NXN: variants seen among roughly 807,000 people sequenced by gnomAD.
NXN encodes the protein nucleoredoxin, also known as nucleoredoxin 1.
In NXN, 16 loss-of-function variants were observed where a neutral mutation model predicts 48.6. That is an observed-to-expected ratio of 0.33 (90% CI 0.22 to 0.50). NXN has a LOEUF of 0.50. NXN is among the 20% of genes least tolerant of loss of function. The probability of loss-of-function intolerance (pLI) is 0.98; values close to 1 mark genes in which losing one functional copy is unlikely to be tolerated. For missense variants in NXN, 492 were observed against 605.5 expected, an observed-to-expected ratio of 0.81 and a Z score of 1.97; for synonymous variants, 281 against 269.6, an observed-to-expected ratio of 1.04 and a Z score of -0.41.
In NXN at chr17:979,753, T is replaced by A; in HGVS notation, c.-75A>T. The A allele has an allele frequency of 1.7e-6, 2 of 1,205,312 alleles. No homozygotes were observed. The highest frequency in any genetic ancestry group is 2.1e-6 in the Non-Finnish European group (2 of 955,296). The allele number at this position is 1,205,312 out of a possible 1,614,324, so 74.7% of individuals were successfully genotyped here. On this transcript the variant is annotated 5_prime_UTR_variant, in exon 1 of 8. Transcript: ENST00000336868. ...CGCGCGGCGGGAGGAGGCGGCGGCG[T>A]CGGCGGCAGGCGCTGGGGAGAGCAG...
At chr17:870,015 C>A (rs2144803800) in intron 1 of NXN, among the ~76,000 whole-genome samples, 1 of 152,298 alleles carries the variant, frequency 6.6e-6, no homozygotes, top group South Asian at 2.1e-4. Flanking sequence ...TTTAGCAATG[C>A]CTGGGAACGT....
chr17:909,822 G>A (rs2068618315), intron 1 of NXN: 1 of 152,168 alleles, frequency 6.6e-6, no homozygotes, highest in African/African-American at 2.4e-5. Flanking sequence ...ATGGGCCTGA[G>A]CCACCGCGCC....
In NXN at chr17:823,732, C is replaced by T. The variant is rs765881882; in HGVS notation, c.512G>A (p.Arg171Lys). The change falls in exon 3 of 8, where the codon AGG becomes AAG. Residue 171 changes from arginine to lysine, a missense_variant. Arg to Lys is a conservative substitution (Grantham distance 26, BLOSUM62 2). Coordinates refer to ENST00000336868, the MANE Select transcript of NXN (RefSeq NM_022463.5). ...LEFPWGPKPF[R>K]EVIAGPLLRN... ...AAGCAAGGGCCCTGCAATGACTTCC[C>T]TGAAGGGTTTCGGTCCCCAGGGGAA... 21 of 1,614,168 alleles carry T rather than the reference C, an allele frequency of 1.3e-5. No individual in the cohort carries two copies. The South Asian group carries it at 2.3e-4, about 18-fold the overall frequency.
chr17:817,881 T>C (rs2144627662), intron 5 of NXN, among the ~76,000 whole-genome samples: 1 of 152,162 alleles, frequency 6.6e-6, no homozygotes, highest in South Asian at 2.1e-4. Flanking sequence ...ACCTGCTTTG[T>C]GAAGAGAAAA....
At chr17:914,218 A>G (rs1281906551) in intron 1 of NXN, among the ~76,000 whole-genome samples, 1 of 49,006 alleles carries the variant, frequency 2.0e-5, no homozygotes, top group African/African-American at 4.6e-5. Context: ...TATTTTTAAT[A>G]GAGATGGGGT....
chr17:922,805 C>G (rs1327788451), intron 1 of NXN, among the ~76,000 whole-genome samples: 1 of 148,348 alleles, frequency 6.7e-6, no homozygotes, highest in Non-Finnish European at 1.5e-5. Context: ...GTGCCCGCCA[C>G]CACACCCGGC....
chr17:919,469 G>A lies in NXN; in HGVS notation c.360+59850C>T, dbSNP rs924831487. 2.6e-5 allele frequency among the ~76,000 whole-genome samples: 4 copies of A among 152,166 alleles called. No individual in the cohort carries two copies. Among genetic ancestry groups the A allele is most frequent in the African/African-American group, 9.7e-5 (4 of 41,438 alleles). The stretch of plus-strand genomic sequence containing the variant: ...CATTCCTTAAGATGCTAGAAAACGT[G>A]TTATTGTAACACGAGGAAAAAGCCC... On this transcript the variant is annotated intron_variant, in intron 1 of 7. Transcript: ENST00000336868. This position sits in a 1 kb window ranked among gnomAD's most constrained non-coding sequence, Gnocchi z 5.1.
At chr17:843,072 C>T (rs142280539) in intron 1 of NXN, among the ~76,000 whole-genome samples, 1 of 147,814 alleles carries the variant, frequency 6.8e-6, no homozygotes, top group African/African-American at 2.6e-5. Context: ...AGAAAGCAAG[C>T]AAGCAAGCTG....
intron 1 of NXN, among the ~76,000 whole-genome samples, chr17:931,527 AC>A (rs2068853046): frequency 1.3e-5 from 2 of 151,984 alleles, no homozygotes; most frequent in African/African-American, 4.8e-5. Context: ...CGCCATAAGC[AC>A]ATGTTATTTA....
chr17:864,965 G>T (rs2068081214), intron 1 of NXN, among the ~76,000 whole-genome samples: 1 of 152,192 alleles, frequency 6.6e-6, no homozygotes, highest in African/African-American at 2.4e-5. Flanking sequence ...TCCTGCTTAA[G>T]CTGTCCTGGC....
chr17:859,436 T>C (rs1171175175), intron 1 of NXN, among the ~76,000 whole-genome samples: 1 of 151,996 alleles, frequency 6.6e-6, no homozygotes, highest in East Asian at 1.9e-4. Flanking sequence ...TAATGTCAAG[T>C]AAAGAACAAC....
chr17:889,847 G>A (rs1197334977), intron 1 of NXN, among the ~76,000 whole-genome samples: 4 of 152,130 alleles, frequency 2.6e-5, no homozygotes, highest in Non-Finnish European at 4.4e-5. Context: ...AATGACACTC[G>A]GGTTTCAAGT....
intron 1 of NXN, among the ~76,000 whole-genome samples, chr17:971,000 A>G (rs2069370079): frequency 6.8e-6 from 1 of 147,068 alleles, no homozygotes; most frequent in South Asian, 2.2e-4. Flanking sequence ...AGGCTGGAGT[A>G]CAGTGGTGCG....
At chr17:829,374 C>A (rs953826159) in intron 1 of NXN, among the ~76,000 whole-genome samples, 12 of 151,290 alleles carry the variant, frequency 7.9e-5, no homozygotes, top group African/African-American at 2.9e-4. Context: ...AGGTTGGTCT[C>A]GAACTCCTGA....
At position 806,755 on chromosome 17, in the gene NXN, C is replaced by T. The variant is rs547376590; in HGVS notation, c.821-1508G>A. Reference sequence around the variant, plus strand: ...TACCAGACATATGGCCCTCGTGTTTCGTACCCTGCTGCGGCCACCAGCACC... The same window carrying T: ...TACCAGACATATGGCCCTCGTGTTTTGTACCCTGCTGCGGCCACCAGCACC... On this transcript the variant is annotated intron_variant, in intron 5 of 7. Transcript: ENST00000336868. Among the ~76,000 whole-genome samples the T allele has an allele frequency of 1.6e-4, 24 of 152,290 alleles. No individual in the cohort carries two copies. In the East Asian group the frequency reaches 2.7e-3, roughly 17 times the overall value.
chr17:857,074 A>T (rs2067993464), intron 1 of NXN, among the ~76,000 whole-genome samples: 1 of 152,144 alleles, frequency 6.6e-6, no homozygotes, highest in African/African-American at 2.4e-5. Flanking sequence ...AAGCTGCTAC[A>T]ATAGGACAGT....
At chr17:855,315 A>G (rs1409595100) in intron 1 of NXN, among the ~76,000 whole-genome samples, 1 of 152,162 alleles carries the variant, frequency 6.6e-6, no homozygotes, top group Non-Finnish European at 1.5e-5. Flanking sequence ...ACTAACAAAG[A>G]ATAAGAAGAG....
chr17:859,704 A>G (rs2068022575), intron 1 of NXN, among the ~76,000 whole-genome samples: 1 of 152,172 alleles, frequency 6.6e-6, no homozygotes, highest in Admixed American at 6.5e-5. Context: ...CTCCACTCCC[A>G]TCAAACGCGA....
In NXN at chr17:868,728, G is replaced by A. The variant is rs1597678055; in HGVS notation, c.361-42650C>T. ...AGGATGGTCTCGATTTCCTGACCTC[G>A]TGATCCGCCCGCCTCGGCCTCCCAA... On this transcript the variant is annotated intron_variant, in intron 1 of 7. Coordinates refer to ENST00000336868, the MANE Select transcript of NXN (RefSeq NM_022463.5). Among the ~76,000 whole-genome samples the A allele has an allele frequency of 2.0e-5, 3 of 152,182 alleles. No homozygotes were observed. In the South Asian group the frequency reaches 6.2e-4, roughly 32 times the overall value.
Sources: gnomAD v4.1 joint callset for allele counts (sites outside exome capture counted in the v4.1 genomes callset) on GRCh38, gnomAD v4.1.1 for gene constraint, Gnocchi (gnomAD v3.1) non-coding constraint, MANE v1.5 for transcripts, NCBI Gene and HGNC (gene_info 2026-07-23, HGNC 2026-07-21) for gene names.